The following SRPX variants were observed in gnomAD, a reference collection of about 807,000 sequenced individuals.
The protein encoded by SRPX is sushi repeat-containing protein SRPX.
In SRPX, 24 loss-of-function variants were observed where a neutral mutation model predicts 38.1. That is an observed-to-expected ratio of 0.63 (90% CI 0.46 to 0.89). SRPX has a LOEUF of 0.89. Among genes scored for constraint, SRPX ranks in the 40% least tolerant of loss-of-function variants. SRPX has a pLI of 0.00. For missense variants in SRPX, 416 were observed against 377.8 expected, an observed-to-expected ratio of 1.10 and a Z score of -0.84; for synonymous variants, 184 against 153.8, an observed-to-expected ratio of 1.20 and a Z score of -1.45.
chrX:38,178,403 T>C, intron 1 of SRPX, 59 bp from the exon 2 acceptor site: 1 of 1,015,583 alleles, frequency 9.8e-7, no homozygotes, highest in Non-Finnish European at 1.4e-6. Flanking sequence ...GGACGCATAT[T>C]TCAAAGCATT....
intron 1 of SRPX, among the ~76,000 whole-genome samples, chrX:38,192,420 C>G (rs984123228): frequency 9.0e-6 from 1 of 111,315 alleles, no homozygotes; most frequent in African/African-American, 3.3e-5. Flanking sequence ...TGCCCGCTGT[C>G]CCCTGCCCTG....
At chrX:38,213,218 G>A (rs758249807) in intron 1 of SRPX, among the ~76,000 whole-genome samples, 1 of 112,201 alleles carries the variant, frequency 8.9e-6, no homozygotes, top group East Asian at 2.8e-4. Context: ...GGGGGATTAA[G>A]AAATGATGGC....
At chrX:38,153,269 G>C (rs1395133815) in intron 9 of SRPX, among the ~76,000 whole-genome samples, 2 of 102,489 alleles carry the variant, frequency 2.0e-5, no homozygotes, top group Non-Finnish European at 4.0e-5. Flanking sequence ...CTTCCATCCT[G>C]GCCCTCTGAG....
chrX:38,215,372 A>C (rs1269074503), intron 1 of SRPX, among the ~76,000 whole-genome samples: 1 of 111,540 alleles, frequency 9.0e-6, no homozygotes, highest in African/African-American at 3.3e-5. Flanking sequence ...GGTGCTACCA[A>C]TTATCATCTG....
chrX:38,161,010 CCTT>C lies in SRPX; in HGVS notation c.695_697del (p.Glu232del). On this transcript the variant is annotated inframe_deletion, in exon 6 of 10. Coordinates refer to ENST00000378533, the MANE Select transcript of SRPX (RefSeq NM_006307.5). ...GACTGTGTACTGGATCTTGTGGTCT[CCTT>C]CTGGAAAGTTGGAGCCTGGGGGGAG... 1 of 1,210,166 alleles carries C rather than the reference CCTT, an allele frequency of 8.3e-7. No homozygotes were observed.
At chrX:38,198,275 A>G (rs1427939871) in intron 1 of SRPX, among the ~76,000 whole-genome samples, 1 of 111,943 alleles carries the variant, frequency 8.9e-6, no homozygotes, top group Non-Finnish European at 1.9e-5. Flanking sequence ...ACGGCTTTCA[A>G]TCCACTACCA....
At chrX:38,189,218 G>A (rs1938848682) in intron 1 of SRPX, among the ~76,000 whole-genome samples, 1 of 111,724 alleles carries the variant, frequency 9.0e-6, no homozygotes, top group Non-Finnish European at 1.9e-5. Flanking sequence ...GTGTTTAGAA[G>A]GGCATAGTAC....
intron 1 of SRPX, among the ~76,000 whole-genome samples, chrX:38,208,240 T>C (rs928319456): frequency 8.9e-6 from 1 of 111,964 alleles, no homozygotes; most frequent in Non-Finnish European, 1.9e-5. Flanking sequence ...ATTCTATGTA[T>C]GTGCATACCC....
intron 9 of SRPX, among the ~76,000 whole-genome samples, chrX:38,150,582 A>T (rs1299562414): frequency 8.9e-6 from 1 of 112,217 alleles, no homozygotes; most frequent in Non-Finnish European, 1.9e-5. Flanking sequence ...CCACATAGCA[A>T]TAGTGCCAAG....
At chrX:38,156,874 T>C (rs1334321606) in intron 8 of SRPX, 22 bp downstream of exon 8, 3 of 1,203,021 alleles carry the variant, frequency 2.5e-6, no homozygotes, top group African/African-American at 3.5e-5. Context: ...CCTCTCACCT[T>C]GGCCCTGCCT....
At chrX:38,216,756 T>C (rs1939427710) in intron 1 of SRPX, among the ~76,000 whole-genome samples, 1 of 112,457 alleles carries the variant, frequency 8.9e-6, no homozygotes, top group Admixed American at 9.4e-5. Flanking sequence ...CTAATTTCAG[T>C]TGTGTTCTCT....
chrX:38,198,508 A>C (rs1210091089), intron 1 of SRPX, among the ~76,000 whole-genome samples: 1 of 112,219 alleles, frequency 8.9e-6, no homozygotes, highest in Non-Finnish European at 1.9e-5. Flanking sequence ...ATGAATCCAG[A>C]TATGCCCTGG....
intron 1 of SRPX, among the ~76,000 whole-genome samples, chrX:38,213,943 C>T (rs1939382198): frequency 9.0e-6 from 1 of 111,697 alleles, no homozygotes; most frequent in Admixed American, 9.4e-5. Flanking sequence ...CCCCATGATC[C>T]AATCACCTCC....
intron 2 of SRPX, among the ~76,000 whole-genome samples, chrX:38,176,936 T>G (rs1262203547): frequency 1.8e-5 from 2 of 111,860 alleles, no homozygotes; most frequent in Non-Finnish European, 3.8e-5. Flanking sequence ...CTAAGAAAAT[T>G]TATTCTTAAA....
intron 1 of SRPX, among the ~76,000 whole-genome samples, chrX:38,206,324 C>T (rs1939211240): frequency 8.9e-6 from 1 of 112,267 alleles, no homozygotes; most frequent in African/African-American, 3.2e-5. Context: ...CCAGACAACA[C>T]CATGTGAACC....
At chrX:38,157,453 G>A (rs1938154763) in intron 7 of SRPX, among the ~76,000 whole-genome samples, 2 of 110,776 alleles carry the variant, frequency 1.8e-5, no homozygotes, top group Non-Finnish European at 3.8e-5. Context: ...CATCTTCAAA[G>A]ACAGCAGTGT....
Position 38,149,522 on chromosome X carries a change from T to C in SRPX, c.*189A>G. ...GTTAGAAAGAGTAAATATGGTCATA[T>C]AATTTTTTGAAACACTTCCAAGTAC... On this transcript the variant is annotated 3_prime_UTR_variant, in exon 10 of 10. Transcript: ENST00000378533. 4.9e-6 allele frequency: 2 copies of C among 409,790 alleles called. No individual in the cohort carries two copies. The highest frequency in any genetic ancestry group is 8.0e-6 in the Non-Finnish European group (2 of 249,183). The allele number at this position is 409,790 out of a possible 1,213,427, so 33.8% of individuals were successfully genotyped here.
intron 5 of SRPX, among the ~76,000 whole-genome samples, chrX:38,161,420 C>G (rs1023123534): frequency 3.0e-5 from 3 of 100,959 alleles, no homozygotes; most frequent in African/African-American, 1.1e-4. Flanking sequence ...GTTGGGAAGA[C>G]GAGGGAATTT....
In SRPX at chrX:38,149,800, C is replaced by G; in HGVS notation, c.1306G>C (p.Val436Leu). 1.7e-6 allele frequency: 2 copies of G among 1,211,099 alleles called. No homozygotes were observed. Among genetic ancestry groups the G allele is most frequent in the Non-Finnish European group, 2.2e-6 (2 of 895,193 alleles). Residue 436 changes from valine to leucine, a missense_variant, in exon 10 of 10, where the codon GTG becomes CTG. By Grantham distance (32) the Val-to-Leu change is conservative. Transcript: ENST00000378533. Reference protein sequence around the residue: ...KERYVSLVMPVALFNLIDTFP... With the variant: ...KERYVSLVMPLALFNLIDTFP... Reference sequence around the variant, plus strand: ...GTGTCAATCAGGTTGAACAGGGCCACAGGCATCACCAGGGAGACATAGCGC... The same window carrying G: ...GTGTCAATCAGGTTGAACAGGGCCAGAGGCATCACCAGGGAGACATAGCGC...
Sources: allele counts gnomAD v4.1 joint callset (sites outside exome capture counted in the v4.1 genomes callset), GRCh38; gene constraint gnomAD v4.1.1; transcripts MANE v1.5; gene names NCBI Gene and HGNC (gene_info 2026-07-23, HGNC 2026-07-21).